The following CTPS2 variants were observed in gnomAD, a reference collection of about 807,000 sequenced individuals.
CTPS2 encodes CTP synthase II.
In CTPS2, 19 loss-of-function variants were observed where a neutral mutation model predicts 46.8. The observed-to-expected ratio is 0.41, with a 90% CI of 0.28 to 0.60. CTPS2 has a LOEUF of 0.60. CTPS2 is among the 20% of genes least tolerant of loss of function. CTPS2 has a pLI of 0.35. For missense variants in CTPS2, 286 were observed against 447.6 expected, an observed-to-expected ratio of 0.64 and a Z score of 3.26; for synonymous variants, 151 against 165.2, an observed-to-expected ratio of 0.91 and a Z score of 0.66.
chrX:16,703,895 T>C (rs1483387894), intron 1 of CTPS2, among the ~76,000 whole-genome samples: 1 of 110,364 alleles, frequency 9.1e-6, no homozygotes, highest in Non-Finnish European at 1.9e-5. Context: ...GACTCCAGTG[T>C]CAGACTGATC....
At chrX:16,622,105 ACAC>A (rs947108981) in intron 14 of CTPS2, among the ~76,000 whole-genome samples, 1 of 111,031 alleles carries the variant, frequency 9.0e-6, no homozygotes, top group African/African-American at 3.3e-5. Context: ...CAGTTAGAAA[ACAC>A]AGACGCATCA....
At chrX:16,607,292 A>G (rs752232934) in intron 17 of CTPS2, among the ~76,000 whole-genome samples, 11 of 113,120 alleles carry the variant, frequency 9.7e-5, no homozygotes, top group Non-Finnish European at 3.7e-5. Context: ...GTCACAGCCC[A>G]CATCTGACAT....
In CTPS2 at chrX:16,670,749, C is replaced by T; in HGVS notation, c.1095-75G>A. 8.9e-6 allele frequency: 6 copies of T among 671,564 alleles called. No homozygotes were observed. The South Asian group carries it at 1.8e-4, about 20-fold the overall frequency. 55.3% of individuals were successfully genotyped at this position (671,564 alleles called of 1,213,427 possible). ...AAACTAGTGTATTCAGCCATTCGTG[C>T]AATGCTTGGTCCAATCACTAGTGAC... is the stretch of plus-strand genomic sequence containing the variant. On this transcript the variant is annotated intron_variant, in intron 10 of 18. Transcript: ENST00000359276.
intron 1 of CTPS2, among the ~76,000 whole-genome samples, chrX:16,709,803 C>T (rs887001786): frequency 2.4e-5 from 2 of 84,823 alleles, no homozygotes; most frequent in African/African-American, 4.6e-5. Flanking sequence ...GAGCCAAGAT[C>T]GTGCCATTGC....
At chrX:16,673,928 G>A (rs1005917621) in intron 10 of CTPS2, among the ~76,000 whole-genome samples, 12 of 111,378 alleles carry the variant, frequency 1.1e-4, no homozygotes, top group Non-Finnish European at 2.3e-4. Context: ...TAGTGTCCTA[G>A]GCTCCATACC....
intron 13 of CTPS2, 134 bp from the exon 14 acceptor site, chrX:16,639,377 AC>A (rs1310608644): frequency 1.9e-6 from 1 of 523,766 alleles, no homozygotes; most frequent in African/African-American, 2.3e-5. Flanking sequence ...AGTCTTTCCA[AC>A]GATCATGTTC....
chrX:16,664,906 A>T (rs928555566), intron 13 of CTPS2, among the ~76,000 whole-genome samples: 4 of 112,282 alleles, frequency 3.6e-5, no homozygotes, highest in African/African-American at 1.3e-4. Context: ...AGGAACTTAT[A>T]TCTAGAATAT....
intron 8 of CTPS2, 42 bp from the exon 9 acceptor site, chrX:16,683,268 G>A (rs201200736): frequency 2.5e-6 from 3 of 1,185,673 alleles, no homozygotes; most frequent in Non-Finnish European, 3.4e-6. Flanking sequence ...GCACATAACA[G>A]AACATCACAA....
intron 13 of CTPS2, 89 bp downstream of exon 13, chrX:16,667,417 AGCCATGGC>A: frequency 2.8e-5 from 25 of 904,630 alleles, no homozygotes; most frequent in Non-Finnish European, 4.0e-5. Flanking sequence ...TACAGGGGTG[AGCCATGGC>A]GCCCAGCCAA....
At chrX:16,654,506 G>C in intron 13 of CTPS2, 1 of 1,146,645 alleles carries the variant, frequency 8.7e-7, no homozygotes. Context: ...AGATATCCCA[G>C]TGAAGGAGAA....
chrX:16,623,359 T>A (rs1199686087), intron 14 of CTPS2, among the ~76,000 whole-genome samples: 2 of 111,702 alleles, frequency 1.8e-5, no homozygotes. Flanking sequence ...TAGGTCTTAT[T>A]CATTCTTTCT....
chrX:16,604,969 T>TA (rs34796032), intron 17 of CTPS2, among the ~76,000 whole-genome samples: 1 of 112,198 alleles, frequency 8.9e-6, no homozygotes, highest in African/African-American at 3.2e-5. Context: ...TAGACTCGTG[T>TA]AAAAAAAGAG....
chrX:16,659,965 T>A (rs1382558566), intron 13 of CTPS2, among the ~76,000 whole-genome samples: 1 of 112,073 alleles, frequency 8.9e-6, no homozygotes, highest in African/African-American at 3.2e-5. Flanking sequence ...CATCTATCAG[T>A]GAACACTTAG....
chrX:16,628,512 T>C (rs1931283913), intron 14 of CTPS2, among the ~76,000 whole-genome samples: 2 of 110,669 alleles, frequency 1.8e-5, no homozygotes, highest in South Asian at 7.7e-4. Context: ...ATTACAGGCA[T>C]GCACCATCAC....
At chrX:16,644,275 C>T (rs1023260201) in intron 13 of CTPS2, among the ~76,000 whole-genome samples, 7 of 110,988 alleles carry the variant, frequency 6.3e-5, no homozygotes, top group Non-Finnish European at 1.3e-4. Context: ...GCTGGGGCCA[C>T]AGGTGCATGC....
chrX:16,707,947 A>T (rs941143337), intron 1 of CTPS2, among the ~76,000 whole-genome samples: 1 of 111,791 alleles, frequency 8.9e-6, no homozygotes, highest in African/African-American at 3.3e-5. Context: ...ACACCACTGC[A>T]TTCCAGCCTG....
rs1289283772 is a variant in CTPS2 at position 16,693,187 on chromosome X, T to C, written c.593A>G (p.Gln198Arg). The part of the protein sequence containing the change: ...ATGEQKTKPT[Q>R]NSVRALRGLG... ...ACCCCTCAGTGCGCGGACGCTGTTT[T>C]GGGTGGGTTTGGTTTTTTGTTCTCC... The change falls in exon 6 of 19, where the codon CAA becomes CGA. Residue 198 changes from glutamine to arginine, a missense_variant. Gln to Arg is a conservative substitution (Grantham distance 43, BLOSUM62 1). Transcript: ENST00000359276. The C allele has an allele frequency of 8.3e-7, 1 of 1,210,916 alleles. No homozygotes were observed.
Position 16,639,228 on chromosome X carries a change from C to A in CTPS2, c.1312G>T (p.Glu438Ter). 1 of 1,203,579 alleles carries A rather than the reference C, an allele frequency of 8.3e-7. No homozygotes were observed. The highest frequency in any genetic ancestry group is 1.8e-5 in the South Asian group (1 of 56,751). The change falls in exon 14 of 19, where the codon GAG becomes TAG. Residue 438 changes from glutamate (E) to a stop codon, truncating the protein, a stop_gained. Transcript: ENST00000359276. LOFTEE classifies it high-confidence loss of function. ...APVPLVIDMP[E>*]HNPGNLGGTM... ...CCTCCCAAATTGCCAGGGTTGTGCT[C>A]GGGCATATCAATCACCTTAGAAAAC...
chrX:16,637,125 C>T (rs1438378281), intron 14 of CTPS2, among the ~76,000 whole-genome samples: 2 of 111,686 alleles, frequency 1.8e-5, no homozygotes, highest in Non-Finnish European at 3.8e-5. Context: ...TAAATTGAGA[C>T]GGAGTCTCAC....
Sources: gnomAD v4.1 joint callset for allele counts (sites outside exome capture counted in the v4.1 genomes callset) on GRCh38, gnomAD v4.1.1 for gene constraint, MANE v1.5 for transcripts, NCBI Gene and HGNC (gene_info 2026-07-23, HGNC 2026-07-21) for gene names.